Variants in ABTB3 observed in about 807,000 individuals in gnomAD.
ABTB3 encodes the protein ankyrin repeat and BTB domain containing 3, also known as ankyrin repeat- and BTB/POZ domain-containing protein 3.
the ABTB3 span, among the ~76,000 whole-genome samples, chr12:107,605,908 C>T: frequency 1.3e-5 from 2 of 152,114 alleles, no homozygotes; most frequent in Non-Finnish European, 2.9e-5. Context: ...AAGGTTCTGG[C>T]CTTAGTACCT....
At chr12:107,334,109 G>A in the ABTB3 span, among the ~76,000 whole-genome samples, 2 of 152,216 alleles carry the variant, frequency 1.3e-5, no homozygotes, top group Admixed American at 6.5e-5. Flanking sequence ...GTCACCGTAA[G>A]CCAGGTTGGG....
the ABTB3 span, among the ~76,000 whole-genome samples, chr12:107,346,317 G>A: frequency 6.6e-6 from 1 of 152,154 alleles, no homozygotes; most frequent in African/African-American, 2.4e-5. Flanking sequence ...CCCCATTGAA[G>A]GAAGTTAGGG....
At chr12:107,320,654 G>C in the ABTB3 span, 3 of 456,020 alleles carry the variant, frequency 6.6e-6, no homozygotes, top group South Asian at 4.6e-5. Context: ...GGTGAGACTG[G>C]GGTGCGGGAA....
chr12:107,325,392 C>T, the ABTB3 span, among the ~76,000 whole-genome samples: 1 of 152,192 alleles, frequency 6.6e-6, no homozygotes, highest in Non-Finnish European at 1.5e-5. Context: ...CAAATGCTAT[C>T]TCAAGAGCCA....
the ABTB3 span, among the ~76,000 whole-genome samples, chr12:107,433,898 C>G: frequency 6.6e-6 from 1 of 152,176 alleles, no homozygotes; most frequent in Non-Finnish European, 1.5e-5. Context: ...AGCCAGGGCC[C>G]TCTTCTAGGT....
chr12:107,417,731 C>A, the ABTB3 span, among the ~76,000 whole-genome samples: 3,874 of 152,334 alleles, frequency 0.025, 131 homozygotes, highest in African/African-American at 0.081. Flanking sequence ...CCGCCCTGTG[C>A]TCAGACATTG....
At chr12:107,324,038 C>T in the ABTB3 span, among the ~76,000 whole-genome samples, 1 of 152,162 alleles carries the variant, frequency 6.6e-6, no homozygotes, top group Non-Finnish European at 1.5e-5. Flanking sequence ...CTCTGTCCTC[C>T]AGTTTCCTCA....
chr12:107,654,953 G>T, the ABTB3 span, among the ~76,000 whole-genome samples: 32 of 150,930 alleles, frequency 2.1e-4, no homozygotes, highest in Non-Finnish European at 3.8e-4. Flanking sequence ...TTGCAGAAGA[G>T]AGGGCTCTCT....
At chr12:107,371,805 G>C in the ABTB3 span, among the ~76,000 whole-genome samples, 1 of 152,106 alleles carries the variant, frequency 6.6e-6, no homozygotes, top group Non-Finnish European at 1.5e-5. Context: ...TGGTACTTCT[G>C]CCACTTGGGT....
chr12:107,569,150 C>A, the ABTB3 span, among the ~76,000 whole-genome samples: 1 of 152,214 alleles, frequency 6.6e-6, no homozygotes, highest in Non-Finnish European at 1.5e-5. Flanking sequence ...CAAGGACATT[C>A]TCAAAGCCAC....
At chr12:107,366,531 G>A in the ABTB3 span, among the ~76,000 whole-genome samples, 4 of 152,146 alleles carry the variant, frequency 2.6e-5, no homozygotes, top group Non-Finnish European at 4.4e-5. Flanking sequence ...ATGCCTGCTG[G>A]GGAGTGGGCT....
the ABTB3 span, among the ~76,000 whole-genome samples, chr12:107,418,284 C>T: frequency 6.6e-6 from 1 of 152,218 alleles, no homozygotes; most frequent in Non-Finnish European, 1.5e-5. Context: ...CCTTGAATAT[C>T]AGACTCCAAG....
At chr12:107,375,145 C>T in the ABTB3 span, among the ~76,000 whole-genome samples, 4 of 152,080 alleles carry the variant, frequency 2.6e-5, 1 homozygote, top group South Asian at 4.1e-4. Flanking sequence ...GGCTGGGTGC[C>T]GTGGCTCACG....
chr12:107,398,305 T>C, the ABTB3 span, among the ~76,000 whole-genome samples: 1 of 152,212 alleles, frequency 6.6e-6, no homozygotes, highest in Admixed American at 6.5e-5. Flanking sequence ...CTATCCTCAC[T>C]GAGATAGAGT....
At chr12:107,551,863 G>A in the ABTB3 span, among the ~76,000 whole-genome samples, 1 of 151,324 alleles carries the variant, frequency 6.6e-6, no homozygotes, top group Non-Finnish European at 1.5e-5. Context: ...AGTGATTCTC[G>A]TGCCTCAGCC....
chr12:107,626,421 C>T, the ABTB3 span, among the ~76,000 whole-genome samples: 1 of 147,296 alleles, frequency 6.8e-6, no homozygotes, highest in Non-Finnish European at 1.5e-5. Flanking sequence ...TCTCGGCTCA[C>T]TGCAAGCTCC....
chr12:107,450,548 G>A, the ABTB3 span, among the ~76,000 whole-genome samples: 2 of 152,164 alleles, frequency 1.3e-5, no homozygotes, highest in Non-Finnish European at 2.9e-5. Context: ...TTATTAGGGA[G>A]GATTCAGTGG....
chr12:107,459,968 C>G, the ABTB3 span, among the ~76,000 whole-genome samples: 10 of 152,150 alleles, frequency 6.6e-5, no homozygotes, highest in African/African-American at 9.7e-5. Context: ...GGTTGGGGGG[C>G]CGTAAGAAAA....
the ABTB3 span, among the ~76,000 whole-genome samples, chr12:107,370,367 C>T: frequency 2.0e-5 from 3 of 152,236 alleles, no homozygotes; most frequent in African/African-American, 7.2e-5. Context: ...TCCAGGGACA[C>T]ACACTTTCTC....
Sources: gnomAD v4.1 joint callset for allele counts (sites outside exome capture counted in the v4.1 genomes callset) on GRCh38, gnomAD v4.1.1 for gene constraint, MANE v1.5 for transcripts, NCBI Gene and HGNC (gene_info 2026-07-23, HGNC 2026-07-21) for gene names.